Variants in TBCK observed in about 807,000 individuals in gnomAD.
TBCK encodes the protein TBC domain-containing protein kinase-like protein.
In TBCK, 99 loss-of-function variants were observed where a neutral mutation model predicts 113.4. That is an observed-to-expected ratio of 0.87 (90% confidence interval 0.74 to 1.03). The LOEUF is 1.03. Ranked by LOEUF, TBCK falls within the 50% of genes least tolerant of loss-of-function variation. The pLI is 0.00. For synonymous variants in TBCK, 369 were observed against 370.8 expected, an observed-to-expected ratio of 1.00 and a Z score of 0.05; for missense variants, 1,045 against 1,061.3, an observed-to-expected ratio of 0.98 and a Z score of 0.21.
chr4:106,289,535 C>A (rs556387009), intron 3 of TBCK, among the ~76,000 whole-genome samples: 2 of 152,022 alleles, frequency 1.3e-5, no homozygotes, highest in Non-Finnish European at 2.9e-5. Context: ...CTTTGAGAGG[C>A]TGAGGCGGGC....
chr4:106,244,790 A>T lies in TBCK; in HGVS notation c.932-26T>A, dbSNP rs762426285. On this transcript the variant is annotated intron_variant, in intron 10 of 25. Transcript: ENST00000394708. ...CTATTAAAAGCAAATTTAAGGAATC[A>T]TTGTATTATATTTTCTACTTTTATT... 6.5e-6 allele frequency: 9 copies of T among 1,384,354 alleles called. No homozygotes were observed. In the African/African-American group the frequency reaches 1.3e-4, roughly 21 times the overall value. 85.8% of individuals were successfully genotyped at this position (1,384,354 alleles called of 1,614,324 possible).
intron 5 of TBCK, among the ~76,000 whole-genome samples, chr4:106,258,984 A>C (rs1762256500): frequency 6.6e-6 from 1 of 151,986 alleles, no homozygotes; most frequent in Non-Finnish European, 1.5e-5. Context: ...AAACTGTAAG[A>C]CTACGAATTT....
At chr4:106,104,362 G>A (rs1048887269) in intron 24 of TBCK, among the ~76,000 whole-genome samples, 1 of 152,222 alleles carries the variant, frequency 6.6e-6, no homozygotes, top group East Asian at 1.9e-4. Context: ...CATCTTTGCT[G>A]TTCAGACACC....
chr4:106,095,689 G>A (rs759279372), intron 24 of TBCK, 48 bp from the exon 25 acceptor site: 87 of 1,555,930 alleles, frequency 5.6e-5, no homozygotes, highest in Non-Finnish European at 7.5e-5. Context: ...GCAATCCTGA[G>A]TGTCTGAGGG....
intron 23 of TBCK, among the ~76,000 whole-genome samples, chr4:106,126,596 G>A (rs562665114): frequency 2.0e-5 from 3 of 152,100 alleles, no homozygotes; most frequent in East Asian, 3.9e-4. Context: ...TTTGTATCTC[G>A]AAAAGCTAGC....
chr4:106,113,276 TACTC>T (rs1234976770), intron 24 of TBCK, among the ~76,000 whole-genome samples: 1 of 152,122 alleles, frequency 6.6e-6, no homozygotes, highest in African/African-American at 2.4e-5. Flanking sequence ...TAGTAGAACA[TACTC>T]ACTCTATCCT....
chr4:106,244,058 T>C (rs1760476646), intron 11 of TBCK, among the ~76,000 whole-genome samples: 2 of 152,126 alleles, frequency 1.3e-5, no homozygotes, highest in African/African-American at 4.8e-5. Context: ...TAAACATGAA[T>C]AGCAATGTTA....
rs770337585 is a variant in TBCK, at chr4:106,180,158, CT to C, written c.2060-8889del. Among the ~76,000 whole-genome samples, 22 of 150,366 alleles carry C rather than the reference CT, an allele frequency of 1.5e-4. 1 individual carries two copies. The highest frequency in any genetic ancestry group is 4.4e-4 in the African/African-American group (18 of 41,088). Reference sequence around the variant, plus strand: ...TCTTGTAGACAGCATATAGTTGTGTCTTTTTTTTTAAATCAATTCAGCCATT... The same window carrying C: ...TCTTGTAGACAGCATATAGTTGTGTCTTTTTTTTAAATCAATTCAGCCATT... On this transcript the variant is annotated intron_variant, in intron 22 of 25. Coordinates refer to ENST00000394708, the MANE Select transcript of TBCK (RefSeq NM_001163435.3).
chr4:106,193,735 C>T lies in TBCK; in HGVS notation c.1933G>A (p.Asp645Asn). 3.1e-6 allele frequency: 5 copies of T among 1,590,562 alleles called. No homozygotes were observed. Among genetic ancestry groups the T allele is most frequent in the Non-Finnish European group, 4.3e-6 (5 of 1,172,646 alleles). The change falls in exon 22 of 26, where the codon GAT becomes AAT. Residue 645 changes from aspartate (D) to asparagine (N), a missense_variant. By Grantham distance (23) the Asp-to-Asn change is conservative. Coordinates refer to ENST00000394708, the MANE Select transcript of TBCK (RefSeq NM_001163435.3). ...FPLHKIFHLW[D>N]TLLLGNSSFP... is the part of the protein sequence containing the mutation. ...GAGGAATTCCCAAGTAGTAAGGTAT[C>T]CCAGAGGTGGAAAATTTTGTGTAGT...
intron 10 of TBCK, among the ~76,000 whole-genome samples, chr4:106,245,760 C>G (rs772897981): frequency 6.6e-6 from 1 of 152,114 alleles, no homozygotes; most frequent in Non-Finnish European, 1.5e-5. Flanking sequence ...CTATGCTTAT[C>G]AAAATTCTAG....
In TBCK at chr4:106,045,231, A is replaced by T. The variant is rs967121111; in HGVS notation, c.*1339T>A. 5 of 151,778 alleles carry T rather than the reference A, an allele frequency of 3.3e-5. No homozygotes were observed. Among genetic ancestry groups the T allele is most frequent in the Admixed American group, 1.3e-4 (2 of 15,234 alleles). The allele number at this position is 151,778 out of a possible 1,614,324, so 9.4% of individuals were successfully genotyped here. Reference sequence around the variant, plus strand: ...GTGCCACTATGACCAGCTAATTTTTATATTTTTAGTAGAGACAAAGTTTCC... The same window carrying T: ...GTGCCACTATGACCAGCTAATTTTTTTATTTTTAGTAGAGACAAAGTTTCC... On this transcript the variant is annotated 3_prime_UTR_variant, in exon 26 of 26. Coordinates refer to ENST00000394708, the MANE Select transcript of TBCK (RefSeq NM_001163435.3).
chr4:106,152,403 T>C (rs1288242191), intron 23 of TBCK, among the ~76,000 whole-genome samples: 1 of 152,130 alleles, frequency 6.6e-6, no homozygotes, highest in African/African-American at 2.4e-5. Flanking sequence ...TTTGCATATA[T>C]TGAACCATCG....
At chr4:106,261,722 A>T (rs1762526894) in intron 4 of TBCK, among the ~76,000 whole-genome samples, 1 of 152,000 alleles carries the variant, frequency 6.6e-6, no homozygotes, top group Admixed American at 6.6e-5. Flanking sequence ...AGAAAACACA[A>T]TGCAGTTGGT....
chr4:106,216,206 C>A (rs1756893288), intron 19 of TBCK, among the ~76,000 whole-genome samples: 2 of 151,268 alleles, frequency 1.3e-5, no homozygotes, highest in Non-Finnish European at 3.0e-5. Flanking sequence ...CTCTGGGACA[C>A]ATTCAAAGCA....
chr4:106,216,350 A>G (rs1456616193), intron 19 of TBCK, among the ~76,000 whole-genome samples: 5 of 152,128 alleles, frequency 3.3e-5, no homozygotes, highest in African/African-American at 1.2e-4. Context: ...AGCAGAAGGC[A>G]AGAAATAACT....
chr4:106,196,167 T>C (rs1380464109), intron 20 of TBCK, among the ~76,000 whole-genome samples: 2 of 151,870 alleles, frequency 1.3e-5, no homozygotes, highest in Non-Finnish European at 2.9e-5. Flanking sequence ...TAGAAATATA[T>C]ACATACACAC....
At chr4:106,313,495 G>A (rs749084301) in intron 1 of TBCK, among the ~76,000 whole-genome samples, 3 of 152,114 alleles carry the variant, frequency 2.0e-5, no homozygotes, top group Non-Finnish European at 2.9e-5. Context: ...ACAGCTATAC[G>A]AACATTAAAA....
intron 2 of TBCK, among the ~76,000 whole-genome samples, chr4:106,298,858 AAG>A (rs1766611392): frequency 6.6e-6 from 1 of 152,246 alleles, no homozygotes; most frequent in South Asian, 2.1e-4. Flanking sequence ...TTGTGAGTAG[AAG>A]ACATAAACAG....
chr4:106,055,157 G>A (rs1234685202), intron 25 of TBCK, among the ~76,000 whole-genome samples: 2 of 151,408 alleles, frequency 1.3e-5, no homozygotes, highest in African/African-American at 4.8e-5. Context: ...CTACTCTTAG[G>A]CTCCATGCTA....
Sources: gnomAD v4.1 joint callset for allele counts (sites outside exome capture counted in the v4.1 genomes callset) on GRCh38, gnomAD v4.1.1 for gene constraint, MANE v1.5 for transcripts, NCBI Gene and HGNC (gene_info 2026-07-23, HGNC 2026-07-21) for gene names.